IK: variants seen among roughly 807,000 people sequenced by gnomAD.
IK encodes the protein protein Red.
A neutral mutation model predicts 90.9 loss-of-function variants in IK; 47 were observed. The ratio of observed to expected loss-of-function variants is 0.52; its 90% confidence interval spans 0.41 to 0.66. IK has a LOEUF of 0.66. IK is among the 30% of genes least tolerant of loss of function. IK has a pLI of 0.00. For synonymous variants in IK, 201 were observed against 227.5 expected (o/e 0.88, Z 1.05); for missense variants, 385 against 709.3 (o/e 0.54, Z 5.19).
At chr5:140,657,512 T>C (rs2149807412) in intron 9 of IK, 42 bp from the exon 10 acceptor site, 1 of 1,318,230 alleles carries the variant, frequency 7.6e-7, no homozygotes, top group East Asian at 2.3e-5. Flanking sequence ...TGAAGAGATT[T>C]CTGCTGAGTG....
chr5:140,650,463 A>G (rs1240465400), intron 2 of IK, among the ~76,000 whole-genome samples: 1 of 152,246 alleles, frequency 6.6e-6, no homozygotes, highest in African/African-American at 2.4e-5. Context: ...TAGTGTACCA[A>G]TTAAAATAAT....
chr5:140,662,432 A>T lies in IK; in HGVS notation c.*103A>T. ...GATGTTTTTTTGTGGATGAATATAAAATTTTATTGTGTAATTACTTGGTTC... is the reference window on the plus strand; with the variant it reads ...GATGTTTTTTTGTGGATGAATATAATATTTTATTGTGTAATTACTTGGTTC... On this transcript the variant is annotated 3_prime_UTR_variant, in exon 20 of 20. Coordinates refer to ENST00000417647, the MANE Select transcript of IK (RefSeq NM_006083.4). 1 of 1,252,106 alleles carries T rather than the reference A, an allele frequency of 8.0e-7. No homozygotes were observed. Among genetic ancestry groups the T allele is most frequent in the Non-Finnish European group, 1.2e-6 (1 of 860,050 alleles). The allele number at this position is 1,252,106 out of a possible 1,614,324, so 77.6% of individuals were successfully genotyped here. A position where few individuals can be genotyped will look rare whatever the true frequency, so the allele number is the denominator to read the frequency against.
chr5:140,659,287 C>G (rs1436342700), intron 12 of IK, 28 bp from the exon 13 acceptor site: 1 of 1,613,884 alleles, frequency 6.2e-7, no homozygotes, highest in South Asian at 1.1e-5. Context: ...CATGGTAACA[C>G]TAACTTCACA....
intron 15 of IK, 195 bp downstream of exon 15, chr5:140,660,390 C>G (rs1053557661): frequency 1.1e-5 from 6 of 536,914 alleles, no homozygotes; most frequent in African/African-American, 6.1e-5. Context: ...CTCCATCTCC[C>G]GGGTTCAAGC....
In IK at chr5:140,661,691, C is replaced by G; in HGVS notation, c.1485C>G (p.Asn495Lys). ...TQEEYSEYMN[N>K]KEALPKAAFQ... ...AAGAATACAGCGAGTATATGAACAA[C>G]AAAGAAGCTTTGCCCAAGTGAGTCG... The change falls in exon 17 of 20, where the codon AAC (asparagine) becomes AAG (lysine). Residue 495 changes from asparagine to lysine, a missense_variant. Physicochemically the swap from Asn to Lys is moderately conservative, Grantham distance 94. This residue lies in a region of IK where 23 missense variants were observed against 115.2 expected (regional missense o/e 0.20). Coordinates refer to ENST00000417647, the MANE Select transcript of IK (RefSeq NM_006083.4). This position sits in a 1 kb window ranked among gnomAD's most constrained non-coding sequence, Gnocchi z 4.2. 1 of 1,608,740 alleles carries G rather than the reference C, an allele frequency of 6.2e-7. No homozygotes were observed. Among genetic ancestry groups the G allele is most frequent in the South Asian group, 1.1e-5 (1 of 89,814 alleles).
intron 9 of IK, among the ~76,000 whole-genome samples, chr5:140,657,314 C>T (rs909485260): frequency 3.9e-5 from 6 of 152,202 alleles, no homozygotes; most frequent in Non-Finnish European, 5.9e-5. Flanking sequence ...TGAGCCTCTG[C>T]AACATCTGGC....
chr5:140,653,797 G>C, intron 5 of IK, 141 bp from the exon 6 acceptor site: 1 of 577,154 alleles, frequency 1.7e-6, no homozygotes. Flanking sequence ...TAGAGATGGG[G>C]TTTCACCATA....
chr5:140,653,809 C>G, intron 5 of IK, 129 bp from the exon 6 acceptor site: 1 of 590,824 alleles, frequency 1.7e-6, no homozygotes, highest in East Asian at 2.8e-5. Flanking sequence ...TTCACCATAT[C>G]CACCAGGCTG....
intron 10 of IK, 32 bp from the exon 11 acceptor site, chr5:140,658,705 G>T: frequency 6.4e-7 from 1 of 1,562,872 alleles, no homozygotes; most frequent in South Asian, 1.1e-5. Flanking sequence ...TAACTGAGGA[G>T]TATGTTCCTG....
At chr5:140,662,079 G>A in intron 18 of IK, 72 bp downstream of exon 18, 1 of 1,579,110 alleles carries the variant, frequency 6.3e-7, no homozygotes, top group Non-Finnish European at 8.6e-7. Flanking sequence ...TTCAGGAACA[G>A]GCAAGGGGCT....
intron 4 of IK, among the ~76,000 whole-genome samples, chr5:140,652,731 A>G (rs1757636856): frequency 6.6e-6 from 1 of 152,200 alleles, no homozygotes; most frequent in Non-Finnish European, 1.5e-5. Flanking sequence ...GTGGTATTAA[A>G]AAGTTCTGAA....
rs147854351 is a variant in IK at position 140,648,868 on chromosome 5, G to A, written c.83+331G>A. 693 of 291,754 alleles carry A rather than the reference G, an allele frequency of 2.4e-3. 5 individuals carry two copies. The highest frequency in any genetic ancestry group is 7.4e-3 in the Middle Eastern group (6 of 806). The allele number at this position is 291,754 out of a possible 1,614,324, so 18.1% of individuals were successfully genotyped here. A position where few individuals can be genotyped will look rare whatever the true frequency, so the allele number is the denominator to read the frequency against. On this transcript the variant is annotated intron_variant, in intron 2 of 19. Coordinates refer to ENST00000417647, the MANE Select transcript of IK (RefSeq NM_006083.4). ...TTTATTTTTTTTGAGACTGAGTTTC[G>A]CTCTTGTTGCTCAGGCTGGAATGCA...
rs940767479 is a variant in IK, at chr5:140,647,886, G to A, written c.-23G>A. 11 of 1,613,956 alleles carry A rather than the reference G, an allele frequency of 6.8e-6. No individual in the cohort carries two copies. The highest frequency in any genetic ancestry group is 9.3e-6 in the Non-Finnish European group (11 of 1,179,824). ...TGCTGTTGGAGACTCGATTGTTGGT[G>A]ACAGCGAAAGAACGATAACAAAATG... On this transcript the variant is annotated 5_prime_UTR_variant, in exon 1 of 20. Coordinates refer to ENST00000417647, the MANE Select transcript of IK (RefSeq NM_006083.4).
At chr5:140,654,945 C>T (rs191662040) in intron 8 of IK, among the ~76,000 whole-genome samples, 10 of 151,932 alleles carry the variant, frequency 6.6e-5, no homozygotes, top group Admixed American at 4.6e-4. Context: ...GTGTAGCTGG[C>T]ACCACAGGCA....
Position 140,660,799 on chromosome 5 carries a change from A to T in IK, c.1397A>T (p.Tyr466Phe), listed in dbSNP as rs1416882173. 2 of 1,613,390 alleles carry T rather than the reference A, an allele frequency of 1.2e-6. No homozygotes were observed. The highest frequency in any genetic ancestry group is 1.7e-6 in the Non-Finnish European group (2 of 1,179,498). The change falls in exon 16 of 20, where the codon TAT becomes TTT. Residue 466 changes from tyrosine to phenylalanine, a missense_variant. Tyr to Phe is a conservative substitution (Grantham distance 22, BLOSUM62 3). This residue lies in a region of IK where 23 missense variants were observed against 115.2 expected (regional missense o/e 0.20). Coordinates refer to ENST00000417647, the MANE Select transcript of IK (RefSeq NM_006083.4). ...MAVDSDEEVD[Y>F]SKMDQGNKKG... is the part of the protein sequence containing the mutation. ...GTGGATAGTGATGAGGAGGTGGATT[A>T]TAGCAAAATGGACCAGGTATGTAGT...
chr5:140,648,546 T>C lies in IK; in HGVS notation c.83+9T>C. 1 of 1,613,292 alleles carries C rather than the reference T, an allele frequency of 6.2e-7. No homozygotes were observed. The highest frequency in any genetic ancestry group is 2.2e-5 in the East Asian group (1 of 44,878). On this transcript the variant is annotated intron_variant, in intron 2 of 19. Coordinates refer to ENST00000417647, the MANE Select transcript of IK (RefSeq NM_006083.4). ...CCTCACTCCTTCCACCAGTGAGTAT[T>C]TTGTGCTAGGACCATGGAAATGAGT...
In IK at chr5:140,654,729, T is replaced by C; in HGVS notation, c.637+2T>C. The C allele has an allele frequency of 6.3e-7, 1 of 1,582,624 alleles. No individual in the cohort carries two copies. On this transcript the variant is annotated splice_donor_variant, in intron 8 of 19. Transcript: ENST00000417647. LOFTEE classifies it high-confidence loss of function. ...AAATTGAATTTAAAACACGTCTGGG[T>C]GAGTACAGTTTCTATACTAGTGACT...
chr5:140,651,870 A>G lies in IK; in HGVS notation c.176+64A>G, dbSNP rs377450945. 8.3e-6 allele frequency: 9 copies of G among 1,089,546 alleles called. No homozygotes were observed. In the East Asian group the frequency reaches 1.7e-4, roughly 20 times the overall value. The allele number at this position is 1,089,546 out of a possible 1,614,324, so 67.5% of individuals were successfully genotyped here. On this transcript the variant is annotated intron_variant, in intron 3 of 19. Coordinates refer to ENST00000417647, the MANE Select transcript of IK (RefSeq NM_006083.4). ...TTCTTGCTCCTTCCTATTTCTTTCT[A>G]CTAAGTAGAATGACTTTTAATAGTC...
At chr5:140,654,094 G>A in intron 6 of IK, 42 bp downstream of exon 6, 1 of 1,119,448 alleles carries the variant, frequency 8.9e-7, no homozygotes, top group South Asian at 1.3e-5. Flanking sequence ...CTGTCGTGCT[G>A]AATGCTCTTG....
Sources: allele counts gnomAD v4.1 joint callset (sites outside exome capture counted in the v4.1 genomes callset), GRCh38; gene constraint gnomAD v4.1.1; regional missense constraint gnomAD v4.1.1; non-coding constraint Gnocchi (gnomAD v3.1); transcripts MANE v1.5; gene names NCBI Gene and HGNC (gene_info 2026-07-23, HGNC 2026-07-21).